ZNF793: variants seen among roughly 807,000 people sequenced by gnomAD.
ZNF793 encodes the protein zinc finger protein 793.
A neutral mutation model predicts 12.4 loss-of-function variants in ZNF793; 5 were observed. The ratio of observed to expected loss-of-function variants is 0.40; its 90% CI spans 0.21 to 0.84. ZNF793 has a LOEUF of 0.84. Among genes scored for constraint, ZNF793 ranks in the 40% least tolerant of loss-of-function variants. The pLI, the probability that ZNF793 is intolerant of heterozygous loss-of-function variation, is 0.35. For synonymous variants in ZNF793, 162 were observed against 172.4 expected (o/e 0.94, Z 0.47); for missense variants, 456 against 495.0 (o/e 0.92, Z 0.75).
At chr19:37,532,274 G>A in intron 5 of ZNF793, 82 bp from the exon 6 acceptor site, 1 of 1,517,416 alleles carries the variant, frequency 6.6e-7, no homozygotes, top group Non-Finnish European at 8.9e-7. Flanking sequence ...AAAGTGCTGG[G>A]ATTATAGGCA....
intron 5 of ZNF793, among the ~76,000 whole-genome samples, chr19:37,525,312 G>A (rs1275602818): frequency 6.7e-6 from 1 of 149,318 alleles, no homozygotes; most frequent in Admixed American, 6.7e-5. Context: ...CTAATTTTTT[G>A]TAGTTTTAGT....
At chr19:37,534,261 G>C (rs924824890) in intron 7 of ZNF793, 4 of 151,860 alleles carry the variant, frequency 2.6e-5, no homozygotes, top group African/African-American at 4.8e-5. Flanking sequence ...CCATAACTTG[G>C]TTCTCTTTCC....
chr19:37,524,348 G>A (rs1477266240), intron 5 of ZNF793, among the ~76,000 whole-genome samples: 1 of 151,956 alleles, frequency 6.6e-6, no homozygotes, highest in Non-Finnish European at 1.5e-5. Flanking sequence ...AACCAGATAT[G>A]TAATGCTTCA....
intron 5 of ZNF793, 70 bp downstream of exon 5, chr19:37,523,524 C>A: frequency 6.9e-7 from 1 of 1,458,856 alleles, no homozygotes; most frequent in Admixed American, 1.7e-5. Flanking sequence ...AAAGGGTGTG[C>A]ATTGTAAGTA....
chr19:37,539,416 A>C lies in ZNF793; in HGVS notation c.*1537A>C, dbSNP rs897605051. ...TCTCTATCCCTCTGCAAATTAATTC[A>C]AGAATATTCATTTTTTTCATATAAA... On this transcript the variant is annotated 3_prime_UTR_variant, in exon 8 of 8. Coordinates refer to ENST00000627814, the MANE Select transcript of ZNF793 (RefSeq NM_001013659.3). 3.9e-5 allele frequency: 6 copies of C among 152,246 alleles called. No individual in the cohort carries two copies. Among genetic ancestry groups the C allele is most frequent in the Non-Finnish European group, 8.8e-5 (6 of 68,028 alleles). The allele number at this position is 152,246 out of a possible 1,614,324, so 9.4% of individuals were successfully genotyped here.
Position 37,508,380 on chromosome 19 carries a change from G to C in ZNF793, c.-299G>C, listed in dbSNP as rs1444177493. 1.3e-5 allele frequency: 2 copies of C among 152,128 alleles called. No homozygotes were observed. The highest frequency in any genetic ancestry group is 6.6e-5 in the Admixed American group (1 of 15,258). 9.4% of individuals were successfully genotyped at this position (152,128 alleles called of 1,614,324 possible). ...AGCGGGGATGGATGTGACCTTGCCC[G>C]TGGTTAGAAAACAAATTTACTGAGT... On this transcript the variant is annotated 5_prime_UTR_variant, in exon 2 of 8. Coordinates refer to ENST00000627814, the MANE Select transcript of ZNF793 (RefSeq NM_001013659.3).
intron 2 of ZNF793, among the ~76,000 whole-genome samples, chr19:37,516,641 T>G (rs2042334612): frequency 6.6e-6 from 1 of 151,978 alleles, no homozygotes; most frequent in Admixed American, 6.6e-5. Context: ...TTTCCAAGAT[T>G]GACTCTTTTT....
chr19:37,535,312 A>G (rs990594433), intron 7 of ZNF793: 1 of 151,978 alleles, frequency 6.6e-6, no homozygotes, highest in Non-Finnish European at 1.5e-5. Context: ...TTTTCCACTG[A>G]TATCTCCTAA....
In ZNF793 at chr19:37,542,051, G is replaced by T. The variant is rs1381754557; in HGVS notation, c.*4172G>T. 6.5e-6 allele frequency: 1 copy of T among 153,770 alleles called. No homozygotes were observed. The highest frequency in any genetic ancestry group is 1.5e-5 in the Non-Finnish European group (1 of 68,958). The allele number at this position is 153,770 out of a possible 1,614,324, so 9.5% of individuals were successfully genotyped here. On this transcript the variant is annotated 3_prime_UTR_variant, in exon 8 of 8. Coordinates refer to ENST00000627814, the MANE Select transcript of ZNF793 (RefSeq NM_001013659.3). ...AAAGATGTTACACACTGCTGGTGGA[G>T]AAATAAATTTTGAAAAACAATGCAA...
rs1401345585 is a variant in ZNF793 at position 37,540,562 on chromosome 19, A to G, written c.*2683A>G. Reference sequence around the variant, plus strand: ...CCACTTAAAGCGGTTTTTCTTAAAAAAAATTTTTTTTAACCCAAACCCCAA... The same window carrying G: ...CCACTTAAAGCGGTTTTTCTTAAAAGAAATTTTTTTTAACCCAAACCCCAA... On this transcript the variant is annotated 3_prime_UTR_variant, in exon 8 of 8. Coordinates refer to ENST00000627814, the MANE Select transcript of ZNF793 (RefSeq NM_001013659.3). 2.2e-5 allele frequency: 2 copies of G among 91,532 alleles called. No homozygotes were observed. Among genetic ancestry groups the G allele is most frequent in the Admixed American group, 2.2e-4 (2 of 9,032 alleles). The allele number at this position is 91,532 out of a possible 1,614,324, so 5.7% of individuals were successfully genotyped here.
chr19:37,533,836 TG>T, intron 7 of ZNF793: 1 of 309,092 alleles, frequency 3.2e-6, no homozygotes, highest in Non-Finnish European at 5.9e-6. Context: ...CATGTTGGGG[TG>T]GGGAGGTGTG....
chr19:37,534,875 G>A (rs2042492224), intron 7 of ZNF793: 1 of 152,076 alleles, frequency 6.6e-6, no homozygotes, highest in South Asian at 2.1e-4. Flanking sequence ...GTAGAGAAGG[G>A]GTTTTGCAGT....
Position 37,538,720 on chromosome 19 carries a change from A to G in ZNF793, c.*841A>G, listed in dbSNP as rs1182799798. On this transcript the variant is annotated 3_prime_UTR_variant, in exon 8 of 8. Coordinates refer to ENST00000627814, the MANE Select transcript of ZNF793 (RefSeq NM_001013659.3). Reference sequence around the variant, plus strand: ...CTGGCATGTAAACGTTTAAAAATGTATTAAATGGAATAACAGCAGAATACA... The same window carrying G: ...CTGGCATGTAAACGTTTAAAAATGTGTTAAATGGAATAACAGCAGAATACA... 1 of 152,276 alleles carries G rather than the reference A, an allele frequency of 6.6e-6. No individual in the cohort carries two copies. The highest frequency in any genetic ancestry group is 1.5e-5 in the Non-Finnish European group (1 of 68,046). The allele number at this position is 152,276 out of a possible 1,614,324, so 9.4% of individuals were successfully genotyped here. A position where few individuals can be genotyped will look rare whatever the true frequency, so the allele number is the denominator to read the frequency against.
chr19:37,523,292 C>T (rs1049876628), intron 4 of ZNF793, 118 bp from the exon 5 acceptor site: 1 of 805,750 alleles, frequency 1.2e-6, no homozygotes, highest in Non-Finnish European at 2.1e-6. Context: ...CAGCTAAAAG[C>T]ATGGATTTTT....
chr19:37,518,063 T>G (rs1600408195), intron 2 of ZNF793, among the ~76,000 whole-genome samples: 1 of 152,194 alleles, frequency 6.6e-6, no homozygotes, highest in East Asian at 1.9e-4. Flanking sequence ...GACTTGTATT[T>G]TCTGCTTCAA....
At position 37,540,723 on chromosome 19, in the gene ZNF793, A is replaced by G. The variant is rs541728195; in HGVS notation, c.*2844A>G. ...AAAACTATCCATTTTTACTGATGAT[A>G]TGGTTGTACACCAATAAATGAAAAG... On this transcript the variant is annotated 3_prime_UTR_variant, in exon 8 of 8. Transcript: ENST00000627814. 8 of 152,160 alleles carry G rather than the reference A, an allele frequency of 5.3e-5. No individual in the cohort carries two copies. The highest frequency in any genetic ancestry group is 1.9e-4 in the African/African-American group (8 of 41,556). 9.4% of individuals were successfully genotyped at this position (152,160 alleles called of 1,614,324 possible). A position where few individuals can be genotyped will look rare whatever the true frequency, so the allele number is the denominator to read the frequency against.
intron 5 of ZNF793, among the ~76,000 whole-genome samples, chr19:37,525,584 C>T (rs900274843): frequency 6.6e-6 from 1 of 151,192 alleles, no homozygotes; most frequent in Admixed American, 6.6e-5. Context: ...CTACAGGCGC[C>T]CACCATCAAA....
chr19:37,536,420 T>C (rs985260838), intron 7 of ZNF793: 1 of 399,766 alleles, frequency 2.5e-6, no homozygotes, highest in Non-Finnish European at 4.4e-6. Flanking sequence ...ACATGCTGGA[T>C]AGCAAGGTAC....
At position 37,536,909 on chromosome 19, in the gene ZNF793, G is replaced by T. The variant is rs751578996; in HGVS notation, c.251G>T (p.Arg84Leu). 1 of 1,605,888 alleles carries T rather than the reference G, an allele frequency of 6.2e-7. No homozygotes were observed. The highest frequency in any genetic ancestry group is 1.3e-5 in the African/African-American group (1 of 74,322). Residue 84 changes from arginine to leucine, a missense_variant, in exon 8 of 8, where the codon CGA becomes CTA. By Grantham distance (102) the Arg-to-Leu change is moderately radical. Coordinates refer to ENST00000627814, the MANE Select transcript of ZNF793 (RefSeq NM_001013659.3). ...PGCHCWEDIW[R>L]VNIQRKRRQD... ...GTACTTTCTCCAGAAGACATCTGGC[G>T]AGTTAATATCCAGAGGAAAAGACGG...
Sources: gnomAD v4.1 joint callset for allele counts (sites outside exome capture counted in the v4.1 genomes callset) on GRCh38, gnomAD v4.1.1 for gene constraint, MANE v1.5 for transcripts, NCBI Gene and HGNC (gene_info 2026-07-23, HGNC 2026-07-21) for gene names.